Variants in LIMCH1 observed in about 807,000 individuals in gnomAD.
LIMCH1 encodes LIM and calponin homology domains-containing protein 1.
LIMCH1 carries 113 observed loss-of-function variants against 176.5 expected under a neutral mutation model. The observed-to-expected ratio is 0.64, with a 90% CI of 0.55 to 0.75. LIMCH1 has a LOEUF of 0.75. Ranked by LOEUF, LIMCH1 falls within the 30% of genes least tolerant of loss-of-function variation. The probability of loss-of-function intolerance (pLI) is 0.00; values close to 1 mark genes in which losing one functional copy is unlikely to be tolerated. For synonymous variants in LIMCH1, 619 were observed against 645.9 expected, an observed-to-expected ratio of 0.96 and a Z score of 0.63; for missense variants, 1,674 against 1,814.9, an observed-to-expected ratio of 0.92 and a Z score of 1.41.
chr4:41,587,330 A>G (rs913225891), intron 1 of LIMCH1, among the ~76,000 whole-genome samples: 7 of 152,062 alleles, frequency 4.6e-5, no homozygotes, highest in African/African-American at 1.2e-4. Context: ...CGGTCTTTCT[A>G]TCCTCTTTCA....
intron 1 of LIMCH1, among the ~76,000 whole-genome samples, chr4:41,544,500 C>G (rs552281930): frequency 6.6e-6 from 1 of 152,216 alleles, no homozygotes; most frequent in Admixed American, 6.5e-5. Context: ...CAGAGAGAAG[C>G]CTGCAGAGTA....
In LIMCH1 at chr4:41,487,042, G is replaced by A. The variant is rs370959760; in HGVS notation, c.97-7494G>A. 3.0e-3 allele frequency among the ~76,000 whole-genome samples: 455 copies of A among 150,954 alleles called. 1 individual carries two copies. The highest frequency in any genetic ancestry group is 0.011 in the African/African-American group (437 of 40,904). ...CGTACATATATATATTGTATTTTTA[G>A]TAGAGATGGGGTTTCACCATGTTGG... On this transcript the variant is annotated intron_variant, in intron 1 of 26. Coordinates refer to the LIMCH1 transcript ENST00000313860.
rs1031788722 is a variant in LIMCH1, at chr4:41,514,988, G to A, written c.168-9421G>A. Among the ~76,000 whole-genome samples, 7 of 152,360 alleles carry A rather than the reference G, an allele frequency of 4.6e-5. No individual in the cohort carries two copies. The East Asian group carries it at 1.4e-3, about 29-fold the overall frequency. On this transcript the variant is annotated intron_variant, in intron 2 of 26. Transcript: ENST00000313860. ...CTGTTGAACCCGGCTTCTTGAGTGT[G>A]TCTGGGCTTAGCTGGTGTGGGGTAA...
intron 3 of LIMCH1, among the ~76,000 whole-genome samples, chr4:41,533,039 CA>C (rs1373305849): frequency 6.6e-6 from 1 of 152,140 alleles, no homozygotes; most frequent in Non-Finnish European, 1.5e-5. Context: ...TGGATATTGG[CA>C]GGATTCAGTT....
At chr4:41,666,136 C>G (rs1029227028) in intron 20 of LIMCH1, among the ~76,000 whole-genome samples, 2 of 152,148 alleles carry the variant, frequency 1.3e-5, no homozygotes, top group African/African-American at 4.8e-5. Flanking sequence ...AGTAATACTA[C>G]TTTAATGTTT....
At chr4:41,405,921 G>A (rs974729396) in intron 1 of LIMCH1, among the ~76,000 whole-genome samples, 2 of 152,140 alleles carry the variant, frequency 1.3e-5, no homozygotes, top group Non-Finnish European at 2.9e-5. Flanking sequence ...AGGGAGACAC[G>A]ACAATATGGC....
intron 22 of LIMCH1, 135 bp from the exon 23 acceptor site, chr4:41,676,247 G>A (rs1196597336): frequency 8.6e-6 from 5 of 581,998 alleles, no homozygotes; most frequent in East Asian, 5.8e-5. Context: ...CAAAGAGGAT[G>A]TTTAGATATA....
At chr4:41,452,002 G>T (rs1411135559) in intron 1 of LIMCH1, among the ~76,000 whole-genome samples, 2 of 152,102 alleles carry the variant, frequency 1.3e-5, no homozygotes, top group Non-Finnish European at 2.9e-5. Flanking sequence ...ACGCTTTCTG[G>T]ATAAACTCTT....
intron 1 of LIMCH1, among the ~76,000 whole-genome samples, chr4:41,462,178 C>T (rs759736513): frequency 6.6e-6 from 1 of 152,124 alleles, no homozygotes; most frequent in South Asian, 2.1e-4. Flanking sequence ...TGTGGGGATA[C>T]GATGGATTTG....
At chr4:41,380,480 T>G (rs1411464660) in intron 1 of LIMCH1, among the ~76,000 whole-genome samples, 1 of 151,168 alleles carries the variant, frequency 6.6e-6, no homozygotes, top group Non-Finnish European at 1.5e-5. Context: ...TTTCTTTCTT[T>G]TTTTTTTTTT....
At chr4:41,487,442 A>G (rs2069813124) in intron 1 of LIMCH1, among the ~76,000 whole-genome samples, 1 of 152,160 alleles carries the variant, frequency 6.6e-6, no homozygotes, top group South Asian at 2.1e-4. Flanking sequence ...TCTTCCTGCA[A>G]ACACATGGTG....
chr4:41,583,726 A>G (rs2085937837), intron 1 of LIMCH1, among the ~76,000 whole-genome samples: 2 of 151,980 alleles, frequency 1.3e-5, no homozygotes, highest in Non-Finnish European at 2.9e-5. Flanking sequence ...CACCTGATAA[A>G]CTTGAAAACA....
intron 1 of LIMCH1, among the ~76,000 whole-genome samples, chr4:41,595,143 C>G (rs1244455148): frequency 1.3e-5 from 2 of 152,070 alleles, no homozygotes; most frequent in Admixed American, 1.3e-4. Context: ...AATGTGGTAT[C>G]CTCAAGATTG....
At chr4:41,392,394 A>G (rs1452645807) in intron 1 of LIMCH1, among the ~76,000 whole-genome samples, 3 of 152,194 alleles carry the variant, frequency 2.0e-5, no homozygotes, top group African/African-American at 4.8e-5. Flanking sequence ...GGAAGTGAGA[A>G]AAAGAGCCAC....
chr4:41,647,263 A>C (rs2094105850), intron 17 of LIMCH1, among the ~76,000 whole-genome samples: 1 of 152,230 alleles, frequency 6.6e-6, no homozygotes, highest in Non-Finnish European at 1.5e-5. Flanking sequence ...ACTCCTCAAA[A>C]CAAAATTTTA....
intron 1 of LIMCH1, among the ~76,000 whole-genome samples, chr4:41,386,646 G>A (rs1041453131): frequency 7.2e-5 from 11 of 152,104 alleles, no homozygotes; most frequent in Non-Finnish European, 1.2e-4. Context: ...AAATGGGATG[G>A]GTATAAATGG....
intron 1 of LIMCH1, among the ~76,000 whole-genome samples, chr4:41,446,838 A>T (rs1028180871): frequency 6.6e-6 from 1 of 152,230 alleles, no homozygotes; most frequent in East Asian, 1.9e-4. Flanking sequence ...AAAAGGAAGA[A>T]TGACTTAAGG....
At chr4:41,370,428 G>T (rs1018120551) in intron 1 of LIMCH1, among the ~76,000 whole-genome samples, 7 of 152,116 alleles carry the variant, frequency 4.6e-5, no homozygotes, top group Non-Finnish European at 8.8e-5. Flanking sequence ...GGTATCCATG[G>T]TATCAATAAA....
At chr4:41,582,025 G>A (rs2085576173) in intron 1 of LIMCH1, among the ~76,000 whole-genome samples, 1 of 152,052 alleles carries the variant, frequency 6.6e-6, no homozygotes. Flanking sequence ...AGGACACATA[G>A]GTTGTTCCCA....
Sources: gnomAD v4.1 joint callset for allele counts (sites outside exome capture counted in the v4.1 genomes callset) on GRCh38, gnomAD v4.1.1 for gene constraint, MANE v1.5 for transcripts, NCBI Gene and HGNC (gene_info 2026-07-23, HGNC 2026-07-21) for gene names.